Variants in PTPN3 observed in about 807,000 individuals in gnomAD.
The protein encoded by PTPN3 is tyrosine-protein phosphatase non-receptor type 3.
A neutral mutation model predicts 132.7 loss-of-function variants in PTPN3; 96 were observed. That is an observed-to-expected ratio of 0.72 (90% CI 0.61 to 0.86). The LOEUF (loss-of-function observed/expected upper bound fraction) is 0.86. Ranked by LOEUF, PTPN3 falls within the 40% of genes least tolerant of loss-of-function variation. The pLI is 0.00. For missense variants in PTPN3, 1,125 were observed against 1,159.6 expected (o/e 0.97, Z 0.43); for synonymous variants, 398 against 429.0 (o/e 0.93, Z 0.89).
At chr9:109,396,678 G>C (rs1055621718) in intron 19 of PTPN3, among the ~76,000 whole-genome samples, 1 of 152,160 alleles carries the variant, frequency 6.6e-6, no homozygotes, top group Non-Finnish European at 1.5e-5. Context: ...GGCTAAGAGG[G>C]GTTGCTAAGG....
intron 5 of PTPN3, chr9:109,450,181 C>T (rs368203249): frequency 3.5e-5 from 34 of 984,966 alleles, no homozygotes; most frequent in Non-Finnish European, 4.1e-5. Context: ...TAATTAACTA[C>T]CCACAATGTA....
At chr9:109,534,695 G>A in the PTPN3 span, among the ~76,000 whole-genome samples, 1 of 150,278 alleles carries the variant, frequency 6.7e-6, no homozygotes, top group Non-Finnish European at 1.5e-5. Flanking sequence ...CCAGCTACTC[G>A]GGAGGCTGAG....
chr9:109,463,956 T>C (rs943859072), intron 1 of PTPN3, among the ~76,000 whole-genome samples: 1 of 152,196 alleles, frequency 6.6e-6, no homozygotes, highest in Non-Finnish European at 1.5e-5. Flanking sequence ...CAAGAATATA[T>C]GGAGTGCTCC....
rs900432206 is a variant in PTPN3 at position 109,378,517 on chromosome 9, C to T, written c.*1039G>A. The T allele has an allele frequency of 7.9e-5, 12 of 152,594 alleles. No homozygotes were observed. Among genetic ancestry groups the T allele is most frequent in the African/African-American group, 1.4e-4 (6 of 41,412 alleles). The allele number at this position is 152,594 out of a possible 1,614,324, so 9.5% of individuals were successfully genotyped here. ...ATATATACTCAACGGTAATTTGAAT[C>T]GTTAGGAATCCTGAGAAACACTCAC... On this transcript the variant is annotated 3_prime_UTR_variant, in exon 26 of 26. Transcript: ENST00000374541.
upstream of PTPN3, among the ~76,000 whole-genome samples, chr9:109,498,616 TTGAAA>T (rs1048036001): frequency 1.3e-5 from 2 of 152,116 alleles, no homozygotes; most frequent in Non-Finnish European, 2.9e-5. The surrounding 1 kb of genome is among the most constrained non-coding windows in gnomAD (Gnocchi z 4.2). Flanking sequence ...CAAAGAAACT[TTGAAA>T]TGAGGAGTCT....
the PTPN3 span, among the ~76,000 whole-genome samples, chr9:109,533,126 ATTTTTTTTTTTTTTTTT>A: frequency 2.7e-5 from 1 of 36,566 alleles, no homozygotes; most frequent in Non-Finnish European, 4.5e-5. Context: ...TACCTGGCTA[ATTTTTTTTTTTTTTTTT>A]TTTTTTTTTT....
At chr9:109,411,782 C>T (rs893608160) in intron 14 of PTPN3, among the ~76,000 whole-genome samples, 1 of 152,150 alleles carries the variant, frequency 6.6e-6, no homozygotes, top group African/African-American at 2.4e-5. Flanking sequence ...ATCATAGTCA[C>T]ACAGAATGAT....
chr9:109,534,797 C>T, the PTPN3 span, among the ~76,000 whole-genome samples: 4 of 135,796 alleles, frequency 2.9e-5, no homozygotes, highest in Non-Finnish European at 4.7e-5. Context: ...AGCGAGACTC[C>T]GTCTCAAAAC....
chr9:109,409,096 A>G (rs973198462), intron 16 of PTPN3, among the ~76,000 whole-genome samples: 15 of 152,044 alleles, frequency 9.9e-5, no homozygotes, highest in African/African-American at 3.4e-4. Flanking sequence ...TGTGGGAGTG[A>G]GGGCTCTGAT....
At chr9:109,526,519 C>A in the PTPN3 span, among the ~76,000 whole-genome samples, 3 of 151,836 alleles carry the variant, frequency 2.0e-5, no homozygotes, top group East Asian at 1.9e-4. Context: ...CAAAAAAAGT[C>A]AAAAAATTAG....
At chr9:109,471,227 T>TTG (rs1846366040) in intron 1 of PTPN3, among the ~76,000 whole-genome samples, 1 of 152,184 alleles carries the variant, frequency 6.6e-6, no homozygotes, top group African/African-American at 2.4e-5. Flanking sequence ...CAACTAATTT[T>TTG]TGTATTTTTA....
chr9:109,443,334 T>C (rs1844628082), intron 7 of PTPN3, among the ~76,000 whole-genome samples: 1 of 151,894 alleles, frequency 6.6e-6, no homozygotes, highest in Non-Finnish European at 1.5e-5. Flanking sequence ...GCCTCAGCCT[T>C]AGAAAGTACT....
At chr9:109,499,122 T>G (rs1358570374), upstream of PTPN3, among the ~76,000 whole-genome samples, 1 of 118,526 alleles carries the variant, frequency 8.4e-6, no homozygotes, top group African/African-American at 3.1e-5. Context: ...TGTCCCCCAG[T>G]GGAGTTTGGG....
intron 1 of PTPN3, among the ~76,000 whole-genome samples, chr9:109,469,701 C>T (rs755163813): frequency 1.3e-5 from 2 of 151,564 alleles, no homozygotes; most frequent in Non-Finnish European, 2.9e-5. Context: ...ATATGAGTTC[C>T]GTTGAAAAAA....
intron 1 of PTPN3, among the ~76,000 whole-genome samples, chr9:109,464,362 T>C (rs965483366): frequency 1.3e-5 from 2 of 152,108 alleles, no homozygotes; most frequent in African/African-American, 4.8e-5. Flanking sequence ...TGAGAACATA[T>C]GGACACAAAG....
chr9:109,513,353 A>T, the PTPN3 span, among the ~76,000 whole-genome samples: 1 of 152,136 alleles, frequency 6.6e-6, no homozygotes, highest in Admixed American at 6.5e-5. Context: ...CCATCCACTT[A>T]GAACTCTCCA....
intron 1 of PTPN3, among the ~76,000 whole-genome samples, chr9:109,477,598 T>C (rs904188743): frequency 2.0e-5 from 3 of 151,998 alleles, no homozygotes; most frequent in African/African-American, 7.2e-5. Flanking sequence ...TGGACTGGAG[T>C]GTGTCACATG....
chr9:109,423,290 AG>A (rs1843007365), intron 12 of PTPN3, among the ~76,000 whole-genome samples: 1 of 152,190 alleles, frequency 6.6e-6, no homozygotes, highest in African/African-American at 2.4e-5. Context: ...TCTTTGAGAG[AG>A]AATCTGAAAA....
the PTPN3 span, among the ~76,000 whole-genome samples, chr9:109,512,632 A>C: frequency 6.6e-6 from 1 of 152,242 alleles, no homozygotes; most frequent in Non-Finnish European, 1.5e-5. Context: ...AACACCAAGC[A>C]CAGGATTTTT....
Sources: allele counts gnomAD v4.1 joint callset (sites outside exome capture counted in the v4.1 genomes callset), GRCh38; gene constraint gnomAD v4.1.1; non-coding constraint Gnocchi (gnomAD v3.1); transcripts MANE v1.5; gene names NCBI Gene and HGNC (gene_info 2026-07-23, HGNC 2026-07-21).